LRP1B: variants seen among roughly 807,000 people sequenced by gnomAD.
LRP1B encodes the protein low-density lipoprotein receptor-related protein 1B.
LRP1B carries 217 observed loss-of-function variants against 556.6 expected under a neutral mutation model. The ratio of observed to expected loss-of-function variants is 0.39; its 90% CI spans 0.35 to 0.44. LRP1B has a LOEUF of 0.44. Among genes scored for constraint, LRP1B ranks in the 20% least tolerant of loss-of-function variants. LRP1B has a pLI of 1.00. For synonymous variants in LRP1B, 2,047 were observed against 1,865.8 expected (o/e 1.10, Z -2.50); for missense variants, 5,053 against 5,620.8 (o/e 0.90, Z 3.23).
chr2:140,748,367 A>T (rs1249117278), intron 35 of LRP1B, among the ~76,000 whole-genome samples: 1 of 85,626 alleles, frequency 1.2e-5, no homozygotes, highest in Non-Finnish European at 2.3e-5. Flanking sequence ...ATATATATTT[A>T]TATATGTATA....
At chr2:140,437,364 C>G (rs572714816) in intron 66 of LRP1B, among the ~76,000 whole-genome samples, 140 of 152,268 alleles carry the variant, frequency 9.2e-4, no homozygotes, top group African/African-American at 3.2e-3. Flanking sequence ...CCCAGCAGCT[C>G]CCTCAACACC....
intron 7 of LRP1B, among the ~76,000 whole-genome samples, chr2:141,128,826 T>C (rs771828147): frequency 6.6e-6 from 1 of 152,312 alleles, no homozygotes; most frequent in East Asian, 1.9e-4. Context: ...AAACATTACA[T>C]TTGAAGAACA....
chr2:141,735,845 A>C (rs1445336853), intron 2 of LRP1B, among the ~76,000 whole-genome samples: 1 of 152,122 alleles, frequency 6.6e-6, no homozygotes, highest in Non-Finnish European at 1.5e-5. Flanking sequence ...GAAGGCCAAG[A>C]TGGTGCTTAA....
chr2:141,745,873 C>T (rs1693897932), intron 2 of LRP1B, among the ~76,000 whole-genome samples: 1 of 151,816 alleles, frequency 6.6e-6, no homozygotes, highest in Non-Finnish European at 1.5e-5. Flanking sequence ...TTATTCAAGG[C>T]CCAAGGGATC....
intron 1 of LRP1B, among the ~76,000 whole-genome samples, chr2:142,120,057 C>T (rs963462120): frequency 7.5e-6 from 1 of 134,162 alleles, no homozygotes. Flanking sequence ...TAAACTCTTA[C>T]CTGGTAGGTT....
intron 2 of LRP1B, among the ~76,000 whole-genome samples, chr2:141,689,415 G>GATAAGGAGAAAAACAATCTATA (rs1363599233): frequency 6.6e-6 from 1 of 151,700 alleles, no homozygotes; most frequent in Non-Finnish European, 1.5e-5. Context: ...TGCATATGTA[G>GATAAGGAGAAAAACAATCTATA]ATAAGGAGAA....
At chr2:140,749,132 C>A (rs1437053781) in intron 35 of LRP1B, among the ~76,000 whole-genome samples, 2 of 151,592 alleles carry the variant, frequency 1.3e-5, no homozygotes, top group Admixed American at 6.6e-5. Context: ...AGCAAAAATA[C>A]AATATAAGAG....
At chr2:141,838,066 C>T (rs751142165) in intron 1 of LRP1B, among the ~76,000 whole-genome samples, 18 of 152,080 alleles carry the variant, frequency 1.2e-4, no homozygotes, top group African/African-American at 4.1e-4. Flanking sequence ...TGTTAACCCA[C>T]AATCTCTTAT....
chr2:140,703,645 T>C (rs998807380), intron 37 of LRP1B, among the ~76,000 whole-genome samples: 1 of 152,178 alleles, frequency 6.6e-6, no homozygotes, highest in African/African-American at 2.4e-5. Context: ...ACCTAAATAG[T>C]CAACATAGTA....
At chr2:140,514,037 T>G (rs1689776594) in intron 51 of LRP1B, among the ~76,000 whole-genome samples, 2 of 152,032 alleles carry the variant, frequency 1.3e-5, no homozygotes, top group African/African-American at 4.8e-5. Flanking sequence ...TTTAACTATT[T>G]GTTAAATATT....
At position 141,494,696 on chromosome 2, in the gene LRP1B, A is replaced by G. The variant is rs890165754; in HGVS notation, c.206-14163T>C. The stretch of plus-strand genomic sequence containing the variant: ...GCAAAAGGCTTCTCTTTCCTCATAG[A>G]CCTCATCTACTGGCAATAGTAATTT... On this transcript the variant is annotated intron_variant, in intron 2 of 90. Transcript: ENST00000389484. 2.0e-5 allele frequency among the ~76,000 whole-genome samples: 3 copies of G among 150,494 alleles called. No individual in the cohort carries two copies. The Admixed American group carries it at 2.0e-4, about 10-fold the overall frequency.
At chr2:141,272,033 C>G (rs533441716) in intron 3 of LRP1B, among the ~76,000 whole-genome samples, 1 of 151,938 alleles carries the variant, frequency 6.6e-6, no homozygotes, top group Non-Finnish European at 1.5e-5. Context: ...ATCAGAACTG[C>G]TAAAAAGAAG....
At chr2:140,932,632 G>A (rs548566356) in intron 20 of LRP1B, among the ~76,000 whole-genome samples, 1 of 151,904 alleles carries the variant, frequency 6.6e-6, no homozygotes, top group East Asian at 1.9e-4. Flanking sequence ...CAGTGCTTTG[G>A]GAGGCTGAAG....
intron 27 of LRP1B, among the ~76,000 whole-genome samples, chr2:140,860,339 A>T: frequency 6.6e-6 from 1 of 152,162 alleles, no homozygotes; most frequent in East Asian, 1.9e-4. Context: ...TGTCTTACTC[A>T]TTCTCTCTTT....
rs763737304 is a variant in LRP1B, at chr2:140,541,844, A to G, written c.7322T>C (p.Ile2441Thr). 12 of 1,612,816 alleles carry G rather than the reference A, an allele frequency of 7.4e-6. No homozygotes were observed. The highest frequency in any genetic ancestry group is 1.7e-4 in the Middle Eastern group (1 of 6,044). ...SNKYTGGDTKILRSDIPHQPM... is the reference protein window; with the variant it reads ...SNKYTGGDTKTLRSDIPHQPM... The stretch of plus-strand genomic sequence containing the variant: ...CTGATGTGGAATATCGGAACGAAGA[A>G]TTTTTGTATCTCCTCCTGTGTACTT... Residue 2441 changes from isoleucine (I) to threonine (T), a missense_variant, in exon 44 of 91, where the codon ATT becomes ACT. By Grantham distance (89) the Ile-to-Thr change is moderately conservative (BLOSUM62 -1). Coordinates refer to ENST00000389484, the MANE Select transcript of LRP1B (RefSeq NM_018557.3).
chr2:140,617,594 T>C (rs1683302943), intron 41 of LRP1B, among the ~76,000 whole-genome samples: 1 of 151,938 alleles, frequency 6.6e-6, no homozygotes, highest in African/African-American at 2.4e-5. Context: ...TAAGGGAAAA[T>C]AAAATTTCAG....
At chr2:141,370,285 T>A (rs1251563766) in intron 3 of LRP1B, among the ~76,000 whole-genome samples, 1 of 152,192 alleles carries the variant, frequency 6.6e-6, no homozygotes, top group Non-Finnish European at 1.5e-5. Flanking sequence ...AGATCTCCCT[T>A]TTCTCTACAT....
In LRP1B at chr2:141,880,242, A is replaced by G. The variant is rs147226689; in HGVS notation, c.83-69841T>C. Among the ~76,000 whole-genome samples, 474 of 152,034 alleles carry G rather than the reference A, an allele frequency of 3.1e-3. 10 individuals are homozygous for G. Among genetic ancestry groups the G allele is most frequent in the Admixed American group, 0.027 (411 of 15,238 alleles). On this transcript the variant is annotated intron_variant, in intron 1 of 90. Transcript: ENST00000389484. ...GGAAGGGAACTTGTCTGTCTTAGTC[A>G]TTGTTGTACTGTTGGCTCCTCACAG...
chr2:141,007,530 C>T (rs1196419952), intron 14 of LRP1B, among the ~76,000 whole-genome samples: 1 of 151,366 alleles, frequency 6.6e-6, no homozygotes, highest in Non-Finnish European at 1.5e-5. Context: ...CTTTAAGCAG[C>T]TTCCAGATAA....
Sources: allele counts gnomAD v4.1 joint callset (sites outside exome capture counted in the v4.1 genomes callset), GRCh38; gene constraint gnomAD v4.1.1; transcripts MANE v1.5; gene names NCBI Gene and HGNC (gene_info 2026-07-23, HGNC 2026-07-21).